The following SLC5A1 variants were observed in gnomAD, a reference collection of about 807,000 sequenced individuals.
SLC5A1 encodes the protein sodium/glucose cotransporter 1.
A neutral mutation model predicts 73.5 loss-of-function variants in SLC5A1; 42 were observed. The ratio of observed to expected loss-of-function variants is 0.57; its 90% confidence interval spans 0.45 to 0.74. The LOEUF is 0.74. Ranked by LOEUF, SLC5A1 falls within the 30% of genes least tolerant of loss-of-function variation. The pLI, the probability that SLC5A1 is intolerant of heterozygous loss-of-function variation, is 0.00. For synonymous variants in SLC5A1, 300 were observed against 317.4 expected (o/e 0.95, Z 0.58); for missense variants, 634 against 855.4 (o/e 0.74, Z 3.23).
At chr22:32,096,354 C>T (rs183528624) in intron 11 of SLC5A1, among the ~76,000 whole-genome samples, 60 of 152,308 alleles carry the variant, frequency 3.9e-4, no homozygotes, top group African/African-American at 1.3e-3. Flanking sequence ...TGGACAGTGG[C>T]AGAGACAGGA....
In SLC5A1 at chr22:32,110,074, A is replaced by G. The variant is rs1339839205; in HGVS notation, c.1856A>G (p.Lys619Arg). 1 of 1,614,140 alleles carries G rather than the reference A, an allele frequency of 6.2e-7. No individual in the cohort carries two copies. Among genetic ancestry groups the G allele is most frequent in the South Asian group, 1.1e-5 (1 of 91,084 alleles). The change falls in exon 15 of 15, where the codon AAG (lysine) becomes AGG (arginine). Residue 619 changes from lysine (K) to arginine (R), a missense_variant. Physicochemically the swap from Lys to Arg is conservative, Grantham distance 26. This residue lies in a region of SLC5A1 where 161 missense variants were observed against 178.7 expected (regional missense o/e 0.90). Transcript: ENST00000266088. ...FCGLEQHGAPKMTEEEEKAMK... is the reference protein window; with the variant it reads ...FCGLEQHGAPRMTEEEEKAMK... ...GGGCTAGAGCAGCACGGTGCACCCAAGATGACTGAGGAAGAGGAGAAAGCC... is the reference window on the plus strand; with the variant it reads ...GGGCTAGAGCAGCACGGTGCACCCAGGATGACTGAGGAAGAGGAGAAAGCC...
At chr22:32,080,619 T>C (rs1296634604) in intron 5 of SLC5A1, among the ~76,000 whole-genome samples, 2 of 152,038 alleles carry the variant, frequency 1.3e-5, no homozygotes, top group Admixed American at 1.3e-4. Flanking sequence ...TGCCGTGAAA[T>C]GTTAGGGTTT....
chr22:32,074,483 C>T (rs2093987694), intron 5 of SLC5A1, among the ~76,000 whole-genome samples: 2 of 152,142 alleles, frequency 1.3e-5, no homozygotes, highest in African/African-American at 4.8e-5. Context: ...TTACCCTCGT[C>T]ACCCTCCTGC....
chr22:32,047,421 G>C (rs1412645419), intron 1 of SLC5A1, among the ~76,000 whole-genome samples: 2 of 152,028 alleles, frequency 1.3e-5, no homozygotes, highest in African/African-American at 4.8e-5. Flanking sequence ...CTTCAGAATG[G>C]CTTTTCCTTG....
intron 5 of SLC5A1, among the ~76,000 whole-genome samples, chr22:32,075,932 CAAAAG>C (rs1399703091): frequency 6.6e-6 from 1 of 152,054 alleles, no homozygotes; most frequent in Non-Finnish European, 1.5e-5. Flanking sequence ...GGCTCATGGA[CAAAAG>C]AAAATAACTG....
intron 11 of SLC5A1, among the ~76,000 whole-genome samples, chr22:32,094,242 T>C (rs1362221256): frequency 6.6e-6 from 1 of 152,164 alleles, no homozygotes; most frequent in African/African-American, 2.4e-5. Context: ...TTCAGTTAGC[T>C]AGTATTTTGT....
rs1334323721 is a variant in SLC5A1 at position 32,106,736 on chromosome 22, G to A, written c.1771+1845G>A. On this transcript the variant is annotated intron_variant, in intron 14 of 14. Transcript: ENST00000266088. ...TAATACTTTCTTCTACTTCAGTATT[G>A]CAACTTTTCCTCTCTATGTGGGAAA... Among the ~76,000 whole-genome samples, 6 of 152,206 alleles carry A rather than the reference G, an allele frequency of 3.9e-5. No individual in the cohort carries two copies. The South Asian group carries it at 1.2e-3, about 32-fold the overall frequency.
At chr22:32,082,067 G>A in intron 6 of SLC5A1, 96 bp downstream of exon 6, 2 of 828,660 alleles carry the variant, frequency 2.4e-6, no homozygotes, top group Non-Finnish European at 4.2e-6. Flanking sequence ...TTCTCTTCTT[G>A]AGGAGAGATA....
chr22:32,108,174 T>C (rs1461901031), intron 14 of SLC5A1, among the ~76,000 whole-genome samples: 2 of 151,190 alleles, frequency 1.3e-5, no homozygotes, highest in Non-Finnish European at 2.9e-5. Flanking sequence ...TGGCACAATA[T>C]CGGCTCACTG....
intron 5 of SLC5A1, among the ~76,000 whole-genome samples, chr22:32,075,406 T>TAG (rs1216391702): frequency 1.3e-5 from 2 of 152,094 alleles, no homozygotes; most frequent in African/African-American, 2.4e-5. Context: ...GGGGATGGGA[T>TAG]AGATCATGTG....
intron 10 of SLC5A1, among the ~76,000 whole-genome samples, chr22:32,089,346 G>T (rs2094013289): frequency 6.6e-6 from 1 of 152,146 alleles, no homozygotes; most frequent in Admixed American, 6.5e-5. Flanking sequence ...AATTCATCTT[G>T]CAAGGCTGTA....
At position 32,084,588 on chromosome 22, in the gene SLC5A1, G is replaced by A. The variant is rs1252784486; in HGVS notation, c.814G>A (p.Gly272Arg). The A allele has an allele frequency of 3.7e-6, 6 of 1,614,094 alleles. No homozygotes were observed. Among genetic ancestry groups the A allele is most frequent in the Admixed American group, 1.7e-5 (1 of 60,010 alleles). The change falls in exon 8 of 15, where the codon GGA becomes AGA. Residue 272 changes from glycine (G) to arginine (R), a missense_variant. Gly to Arg is a moderately radical substitution (Grantham distance 125). Transcript: ENST00000266088. Reference sequence around the variant, plus strand: ...CCACATCTTCCGAGATCCCCTCACGGGAGACCTCCCATGGCCTGGGTTCAT... The same window carrying A: ...CCACATCTTCCGAGATCCCCTCACGAGAGACCTCCCATGGCCTGGGTTCAT... Reference protein sequence around the residue: ...SFHIFRDPLTGDLPWPGFIFG... With the variant: ...SFHIFRDPLTRDLPWPGFIFG...
intron 1 of SLC5A1, among the ~76,000 whole-genome samples, chr22:32,045,154 TTATAAG>T (rs2093935512): frequency 6.6e-6 from 1 of 152,182 alleles, no homozygotes; most frequent in Non-Finnish European, 1.5e-5. Flanking sequence ...CCACCCCAGC[TTATAAG>T]TGCTGGAGCC....
intron 1 of SLC5A1, among the ~76,000 whole-genome samples, chr22:32,045,992 T>C (rs1473434077): frequency 6.6e-6 from 1 of 152,218 alleles, no homozygotes; most frequent in Non-Finnish European, 1.5e-5. Context: ...GTAGAGACCC[T>C]GTATATTCCA....
At chr22:32,082,984 C>CA (rs1469750631) in intron 6 of SLC5A1, 90 bp from the exon 7 acceptor site, 2 of 888,010 alleles carry the variant, frequency 2.3e-6, no homozygotes, top group Non-Finnish European at 3.3e-6. Context: ...AGAAGGCCAG[C>CA]AGAAGTAGAG....
chr22:32,098,869 G>A (rs1213951180), intron 11 of SLC5A1, among the ~76,000 whole-genome samples: 1 of 151,564 alleles, frequency 6.6e-6, no homozygotes, highest in Non-Finnish European at 1.5e-5. Context: ...GGCGGATCAC[G>A]AGGTCAGGAG....
intron 1 of SLC5A1, among the ~76,000 whole-genome samples, chr22:32,045,384 A>G (rs1396497446): frequency 1.3e-5 from 2 of 152,188 alleles, no homozygotes; most frequent in Non-Finnish European, 2.9e-5. Flanking sequence ...GTATTTGTCT[A>G]TGTTTAATCT....
At chr22:32,099,668 C>T (rs1483364690) in intron 12 of SLC5A1, among the ~76,000 whole-genome samples, 1 of 151,896 alleles carries the variant, frequency 6.6e-6, no homozygotes, top group African/African-American at 2.4e-5. Flanking sequence ...CTCAAGTGAT[C>T]CTCCCACCTC....
intron 5 of SLC5A1, among the ~76,000 whole-genome samples, chr22:32,071,615 C>A (rs1026129974): frequency 6.6e-6 from 1 of 152,062 alleles, no homozygotes; most frequent in Non-Finnish European, 1.5e-5. Flanking sequence ...CCTTAGCCAG[C>A]AGTTGCAAAG....
Sources: gnomAD v4.1 joint callset for allele counts (sites outside exome capture counted in the v4.1 genomes callset) on GRCh38, gnomAD v4.1.1 for gene constraint, gnomAD v4.1.1 regional missense constraint, MANE v1.5 for transcripts, NCBI Gene and HGNC (gene_info 2026-07-23, HGNC 2026-07-21) for gene names.